RP2: variants seen among roughly 807,000 people sequenced by gnomAD.
The protein encoded by RP2 is RP2 activator of ARL3 GTPase.
In RP2, 3 loss-of-function variants were observed where a neutral mutation model predicts 20.3. That is an observed-to-expected ratio of 0.15 (90% CI 0.07 to 0.38). RP2 has a LOEUF of 0.38. Among genes scored for constraint, RP2 ranks in the 10% least tolerant of loss-of-function variants. The pLI is 1.00. For missense variants in RP2, 233 were observed against 268.5 expected, an observed-to-expected ratio of 0.87 and a Z score of 0.92; for synonymous variants, 75 against 94.8, an observed-to-expected ratio of 0.79 and a Z score of 1.22.
intron 3 of RP2, among the ~76,000 whole-genome samples, chrX:46,863,715 G>A (rs1925117125): frequency 8.9e-6 from 1 of 111,918 alleles, no homozygotes; most frequent in Admixed American, 9.5e-5. Context: ...CCCAGTTGTG[G>A]CAACGAAAAA....
At position 46,851,629 on chromosome X, in the gene RP2, TC is replaced by T. The variant is rs782512631; in HGVS notation, c.103-1845del. Among the ~76,000 whole-genome samples, 22 of 104,738 alleles carry T rather than the reference TC, an allele frequency of 2.1e-4. 1 individual carries two copies. In the East Asian group the frequency reaches 5.8e-3, roughly 28 times the overall value. The allele number at this position is 104,738 out of a possible 115,157, so 91.0% of individuals were successfully genotyped here. Reference sequence around the variant, plus strand: ...CCAGCCTGGGTGACAAGAGTGAAACTCCATCTCAAAAAAAGAAAAAGGCCGG... The same window carrying T: ...CCAGCCTGGGTGACAAGAGTGAAACTCATCTCAAAAAAAGAAAAAGGCCGG... On this transcript the variant is annotated intron_variant, in intron 1 of 4. Transcript: ENST00000218340.
intron 1 of RP2, among the ~76,000 whole-genome samples, chrX:46,847,810 ACAC>A: frequency 4.1e-5 from 4 of 97,889 alleles, no homozygotes; most frequent in African/African-American, 1.5e-4. Flanking sequence ...ATATATATAC[ACAC>A]ATATATGTGT....
chrX:46,839,076 C>A (rs1874450654), intron 1 of RP2, among the ~76,000 whole-genome samples: 1 of 110,949 alleles, frequency 9.0e-6, no homozygotes, highest in African/African-American at 3.3e-5. Context: ...TGAAAAAAAC[C>A]CCAGTTTTAA....
chrX:46,837,064 C>T lies in RP2; in HGVS notation c.-37C>T. On this transcript the variant is annotated 5_prime_UTR_variant, in exon 1 of 5. Transcript: ENST00000218340. ...CGCCACACTCTAGGAAGTGCCTGAG[C>T]TAGTGAGCTGGCCAACGAGCTCCGC... 8.7e-7 allele frequency: 1 copy of T among 1,146,722 alleles called. No homozygotes were observed. Among genetic ancestry groups the T allele is most frequent in the Non-Finnish European group, 1.2e-6 (1 of 853,520 alleles). The allele number at this position is 1,146,722 out of a possible 1,213,427, so 94.5% of individuals were successfully genotyped here.
chrX:46,837,552 A>C (rs782250033), intron 1 of RP2, among the ~76,000 whole-genome samples: 1 of 111,124 alleles, frequency 9.0e-6, no homozygotes, highest in African/African-American at 3.3e-5. Context: ...CTGAATCTCA[A>C]ATCACCTCGT....
At chrX:46,864,907 C>T (rs1410354786) in intron 3 of RP2, among the ~76,000 whole-genome samples, 1 of 112,006 alleles carries the variant, frequency 8.9e-6, no homozygotes, top group Non-Finnish European at 1.9e-5. Context: ...TAATGAAGGG[C>T]CTTGTAGGCC....
At chrX:46,876,538 A>T (rs952720693) in intron 3 of RP2, among the ~76,000 whole-genome samples, 1 of 111,666 alleles carries the variant, frequency 9.0e-6, no homozygotes, top group Non-Finnish European at 1.9e-5. Flanking sequence ...TTGAGCAACA[A>T]ATGGAACCAA....
In RP2 at chrX:46,877,510, G is replaced by C. The variant is rs200720598; in HGVS notation, c.889G>C (p.Val297Leu). ...DFLPLLNKGPVIALEFNGDGA... is the reference protein window; with the variant it reads ...DFLPLLNKGPLIALEFNGDGA... ...TTTCTTGGGTTTGCTTATAGGTCCT[G>C]TTATTGCCTTGGAGTTTAATGGGGA... Residue 297 changes from valine (V) to leucine (L), a missense_variant, in exon 4 of 5, where the codon GTT becomes CTT. Val to Leu is a conservative substitution (Grantham distance 32). Transcript: ENST00000218340. 62 of 1,197,222 alleles carry C rather than the reference G, an allele frequency of 5.2e-5. No individual in the cohort carries two copies. Among genetic ancestry groups the C allele is most frequent in the Non-Finnish European group, 6.9e-5 (61 of 883,543 alleles).
At chrX:46,840,922 C>G (rs914972269) in intron 1 of RP2, among the ~76,000 whole-genome samples, 5 of 112,391 alleles carry the variant, frequency 4.4e-5, no homozygotes, top group Non-Finnish European at 9.4e-5. Context: ...AAACAAAAAT[C>G]TTATACCAGA....
At chrX:46,846,725 A>C (rs1180915954) in intron 1 of RP2, among the ~76,000 whole-genome samples, 3 of 111,420 alleles carry the variant, frequency 2.7e-5, no homozygotes, top group African/African-American at 9.8e-5. Flanking sequence ...TGGTATTGTC[A>C]GGTTAATTTG....
intron 2 of RP2, among the ~76,000 whole-genome samples, chrX:46,858,336 A>C (rs1210544623): frequency 8.9e-6 from 1 of 111,917 alleles, no homozygotes; most frequent in African/African-American, 3.2e-5. Flanking sequence ...AGCATCTTTT[A>C]GTTGCAGCAC....
rs888214163 is a variant in RP2 at position 46,866,566 on chromosome X, C to A, written c.883+6464C>A. Reference sequence around the variant, plus strand: ...ATTTTTAGAATTACTAACCCATACCCCTGTGAGAAACTTATTTGCCAACTA... The same window carrying A: ...ATTTTTAGAATTACTAACCCATACCACTGTGAGAAACTTATTTGCCAACTA... On this transcript the variant is annotated intron_variant, in intron 3 of 4. Coordinates refer to ENST00000218340, the MANE Select transcript of RP2 (RefSeq NM_006915.3). Among the ~76,000 whole-genome samples the A allele has an allele frequency of 4.5e-5, 5 of 111,406 alleles. No individual in the cohort carries two copies. The Admixed American group carries it at 4.8e-4, about 11-fold the overall frequency.
chrX:46,850,813 T>C (rs1280996809), intron 1 of RP2, among the ~76,000 whole-genome samples: 9 of 112,004 alleles, frequency 8.0e-5, no homozygotes, highest in Non-Finnish European at 1.7e-4. Context: ...GTTTTTAGTT[T>C]AGATGAATGT....
intron 2 of RP2, among the ~76,000 whole-genome samples, chrX:46,856,151 A>G (rs1924956154): frequency 8.9e-6 from 1 of 111,758 alleles, no homozygotes; most frequent in Non-Finnish European, 1.9e-5. Flanking sequence ...AAAAACTACA[A>G]ACAGTTTTCA....
At chrX:46,862,576 C>T (rs191760151) in intron 3 of RP2, among the ~76,000 whole-genome samples, 24 of 110,410 alleles carry the variant, frequency 2.2e-4, no homozygotes, top group Admixed American at 1.4e-3. Flanking sequence ...AGGAGAATGG[C>T]GTGAACCCGG....
intron 1 of RP2, among the ~76,000 whole-genome samples, chrX:46,847,433 AT>A (rs1556316381): frequency 1.9e-5 from 2 of 107,098 alleles, no homozygotes; most frequent in Non-Finnish European, 1.9e-5. Flanking sequence ...ACATCTAGGA[AT>A]TTTTTTTCTT....
chrX:46,839,372 C>T (rs1369792299), intron 1 of RP2, among the ~76,000 whole-genome samples: 2 of 110,503 alleles, frequency 1.8e-5, no homozygotes, highest in Non-Finnish European at 3.8e-5. Flanking sequence ...GGCAATATGG[C>T]GAAACCTCAT....
At chrX:46,872,432 T>A (rs1315117031) in intron 3 of RP2, among the ~76,000 whole-genome samples, 3 of 112,323 alleles carry the variant, frequency 2.7e-5, no homozygotes, top group Non-Finnish European at 5.6e-5. Context: ...TACCTCTTTT[T>A]CTTTTTAGCA....
intron 1 of RP2, among the ~76,000 whole-genome samples, chrX:46,838,466 G>A (rs1924555207): frequency 8.9e-6 from 1 of 112,469 alleles, no homozygotes; most frequent in Admixed American, 9.5e-5. Flanking sequence ...TCTGATGGGC[G>A]GTTTTTAAAA....
Sources: gnomAD v4.1 joint callset for allele counts (sites outside exome capture counted in the v4.1 genomes callset) on GRCh38, gnomAD v4.1.1 for gene constraint, MANE v1.5 for transcripts, NCBI Gene and HGNC (gene_info 2026-07-23, HGNC 2026-07-21) for gene names.